The following HDAC4 variants were observed in gnomAD, a reference collection of about 807,000 sequenced individuals.
The protein encoded by HDAC4 is histone deacetylase 4.
HDAC4 carries 16 observed loss-of-function variants against 135.1 expected under a neutral mutation model. The ratio of observed to expected loss-of-function variants is 0.12; its 90% CI spans 0.08 to 0.18. The LOEUF (loss-of-function observed/expected upper bound fraction) is 0.18. Ranked by LOEUF, HDAC4 falls within the 10% of genes least tolerant of loss-of-function variation. The probability of loss-of-function intolerance (pLI) is 1.00; values close to 1 mark genes in which losing one functional copy is unlikely to be tolerated. For missense variants in HDAC4, 1,143 were observed against 1,511.8 expected, an observed-to-expected ratio of 0.76 and a Z score of 4.05; for synonymous variants, 685 against 653.4, an observed-to-expected ratio of 1.05 and a Z score of -0.74.
intron 3 of HDAC4, among the ~76,000 whole-genome samples, chr2:239,200,830 C>G (rs2045710862): frequency 1.3e-5 from 2 of 152,072 alleles, no homozygotes; most frequent in African/African-American, 4.8e-5. Flanking sequence ...AGAGTTCTAG[C>G]ATGAAGGCAG....
At chr2:239,367,008 T>C (rs1488681080) in intron 1 of HDAC4, among the ~76,000 whole-genome samples, 1 of 136,800 alleles carries the variant, frequency 7.3e-6, no homozygotes, top group Non-Finnish European at 1.5e-5. Context: ...CCTCCGTCAC[T>C]GACAGGCACT....
chr2:239,087,663 T>A (rs1352136244), intron 18 of HDAC4, 49 bp from the exon 19 acceptor site: 2 of 1,572,364 alleles, frequency 1.3e-6, no homozygotes. Context: ...AGACACACTT[T>A]GTAGCCACGG....
At chr2:239,369,244 G>C (rs1311762572) in intron 1 of HDAC4, among the ~76,000 whole-genome samples, 1 of 152,164 alleles carries the variant, frequency 6.6e-6, no homozygotes. Context: ...ATCTTTCCAG[G>C]TCTGAACTGC....
intron 2 of HDAC4, among the ~76,000 whole-genome samples, chr2:239,264,011 T>G (rs1348307606): frequency 6.6e-6 from 1 of 151,942 alleles, no homozygotes; most frequent in Admixed American, 6.6e-5. Flanking sequence ...ACACAGGACC[T>G]TTGGGGTGGG....
intron 16 of HDAC4, among the ~76,000 whole-genome samples, chr2:239,096,830 C>G (rs2037144600): frequency 6.9e-6 from 1 of 145,326 alleles, no homozygotes; most frequent in Admixed American, 6.7e-5. Context: ...ACAGAGCTGA[C>G]TCAGGCTCTT....
At position 239,052,133 on chromosome 2, in the gene HDAC4, G is replaced by A. The variant is rs2030947531; in HGVS notation, c.*964C>T. 1 of 152,518 alleles carries A rather than the reference G, an allele frequency of 6.6e-6. No homozygotes were observed. The allele number at this position is 152,518 out of a possible 1,614,324, so 9.4% of individuals were successfully genotyped here. On this transcript the variant is annotated 3_prime_UTR_variant, in exon 27 of 27. Transcript: ENST00000543185. ...ACTTTGGATTCGTTTAAAATTTGTT[G>A]GACTTCAAAACCTCCAACGGGATTT... is the stretch of plus-strand genomic sequence containing the variant.
Position 239,265,056 on chromosome 2 carries a change from G to A in HDAC4, c.23-28392C>T, listed in dbSNP as rs768661390. Among the ~76,000 whole-genome samples the A allele has an allele frequency of 9.8e-5, 15 of 152,290 alleles. 1 individual carries two copies. The highest frequency in any genetic ancestry group is 6.5e-4 in the Admixed American group (10 of 15,308). ...AGGGGTGCAGAGCCTGACAGGGGCT[G>A]GAGAGTGGGGGATGGGGGCCAAAGA... On this transcript the variant is annotated intron_variant, in intron 2 of 26. Coordinates refer to ENST00000543185, the MANE Select transcript of HDAC4 (RefSeq NM_001378414.1).
intron 2 of HDAC4, among the ~76,000 whole-genome samples, chr2:239,253,852 C>A (rs897806639): frequency 1.3e-5 from 2 of 152,092 alleles, no homozygotes; most frequent in African/African-American, 4.8e-5. Context: ...AGCCAGTGGG[C>A]GGCTGCATAT....
intron 11 of HDAC4, among the ~76,000 whole-genome samples, chr2:239,129,787 G>A (rs1262957303): frequency 6.6e-6 from 1 of 152,176 alleles, no homozygotes; most frequent in Non-Finnish European, 1.5e-5. Flanking sequence ...TCCCGAGTGA[G>A]CATGCTGGAA....
chr2:239,191,177 C>A, intron 3 of HDAC4: 1 of 359,934 alleles, frequency 2.8e-6, no homozygotes, highest in Admixed American at 3.3e-5. Context: ...TGGGGCCTTG[C>A]CCTCTAGGAG....
In HDAC4 at chr2:239,263,223, T is replaced by C. The variant is rs1462502271; in HGVS notation, c.23-26559A>G. Among the ~76,000 whole-genome samples, 3 of 152,210 alleles carry C rather than the reference T, an allele frequency of 2.0e-5. No individual in the cohort carries two copies. In the East Asian group the frequency reaches 5.8e-4, roughly 29 times the overall value. Reference sequence around the variant, plus strand: ...AATGGCTCCAAGGGCACGGGGCCACTGTGCAACTGCACATCAGCCATCCCG... The same window carrying C: ...AATGGCTCCAAGGGCACGGGGCCACCGTGCAACTGCACATCAGCCATCCCG... On this transcript the variant is annotated intron_variant, in intron 2 of 26. Transcript: ENST00000543185.
rs542338835 is a variant in HDAC4, at chr2:239,058,268, C to A, written c.3004-3435G>T. On this transcript the variant is annotated intron_variant, in intron 24 of 26. Coordinates refer to ENST00000543185, the MANE Select transcript of HDAC4 (RefSeq NM_001378414.1). ...ATATCTTTGGACTCAGTAGAGGGAA[C>A]AAATGGAATGCAGGAAACCCTCAAT... 2.0e-5 allele frequency among the ~76,000 whole-genome samples: 3 copies of A among 152,106 alleles called. No individual in the cohort carries two copies. In the East Asian group the frequency reaches 5.8e-4, roughly 29 times the overall value.
At chr2:239,226,410 C>A (rs754799357) in intron 3 of HDAC4, among the ~76,000 whole-genome samples, 2 of 152,142 alleles carry the variant, frequency 1.3e-5, no homozygotes, top group Non-Finnish European at 1.5e-5. Flanking sequence ...GCTGGGACTG[C>A]CACATAGCTT....
intron 12 of HDAC4, among the ~76,000 whole-genome samples, chr2:239,121,334 A>ATGGCGGTGGAGG: frequency 6.6e-6 from 1 of 152,236 alleles, no homozygotes; most frequent in Non-Finnish European, 1.5e-5. Context: ...GCACAGATGA[A>ATGGCGGTGGAGG]TGGCGGTGGA....
At chr2:239,370,569 G>T (rs1031388616) in intron 1 of HDAC4, among the ~76,000 whole-genome samples, 16 of 152,248 alleles carry the variant, frequency 1.1e-4, no homozygotes, top group Admixed American at 5.9e-4. Flanking sequence ...TGTGAAGCAT[G>T]TCTGGTGTTT....
At chr2:239,364,299 G>A (rs747284884) in intron 1 of HDAC4, among the ~76,000 whole-genome samples, 13 of 152,304 alleles carry the variant, frequency 8.5e-5, no homozygotes, top group African/African-American at 1.2e-4. Flanking sequence ...AAAGCTGCAC[G>A]AATAAATACC....
At chr2:239,147,332 C>T (rs1193614934) in intron 7 of HDAC4, among the ~76,000 whole-genome samples, 3 of 152,262 alleles carry the variant, frequency 2.0e-5, no homozygotes, top group African/African-American at 7.2e-5. Flanking sequence ...TACTTCCAGG[C>T]CGGGCATCTC....
At chr2:239,368,123 C>G (rs1694348588) in intron 1 of HDAC4, among the ~76,000 whole-genome samples, 1 of 152,214 alleles carries the variant, frequency 6.6e-6, no homozygotes. Flanking sequence ...GTCAGAACGA[C>G]AGTCAGCCTG....
rs1348939607 is a variant in HDAC4 at position 239,223,920 on chromosome 2, T to TGCCC, written c.94+12669_94+12672dup. Among the ~76,000 whole-genome samples, 13 of 151,220 alleles carry TGCCC rather than the reference T, an allele frequency of 8.6e-5. No individual in the cohort carries two copies. The South Asian group carries it at 2.1e-3, about 24-fold the overall frequency. ...TGGACCTTGCACGGAGGAGATCCACTGCCCGGGAGAGTTCATGTCCATGTA... is the reference window on the plus strand; with the variant it reads ...TGGACCTTGCACGGAGGAGATCCACTGCCCGCCCGGGAGAGTTCATGTCCATGTA... On this transcript the variant is annotated intron_variant, in intron 3 of 26. Coordinates refer to ENST00000543185, the MANE Select transcript of HDAC4 (RefSeq NM_001378414.1).
Sources: allele counts gnomAD v4.1 joint callset (sites outside exome capture counted in the v4.1 genomes callset), GRCh38; gene constraint gnomAD v4.1.1; transcripts MANE v1.5; gene names NCBI Gene and HGNC (gene_info 2026-07-23, HGNC 2026-07-21).